Variants in PGM2L1 observed in about 807,000 individuals in gnomAD.
The protein encoded by PGM2L1 is glucose 1,6-bisphosphate synthase.
Under a neutral mutation model 73.4 loss-of-function variants are expected in PGM2L1, and 35 were observed. The observed-to-expected ratio is 0.48, with a 90% CI of 0.36 to 0.63. PGM2L1 has a LOEUF of 0.63. Ranked by LOEUF, PGM2L1 falls within the 30% of genes least tolerant of loss-of-function variation. The pLI is 0.00. For synonymous variants in PGM2L1, 225 were observed against 253.8 expected, an observed-to-expected ratio of 0.89 and a Z score of 1.08; for missense variants, 570 against 742.0, an observed-to-expected ratio of 0.77 and a Z score of 2.69.
chr11:74,355,726 T>C, intron 5 of PGM2L1: 2 of 508,178 alleles, frequency 3.9e-6, no homozygotes, highest in Non-Finnish European at 7.8e-6. Context: ...CAGATTTTAA[T>C]TACTGCCAGG....
intron 6 of PGM2L1, among the ~76,000 whole-genome samples, chr11:74,347,719 TACCTAATTACACTC>T (rs1426036827): frequency 6.6e-6 from 1 of 152,202 alleles, no homozygotes. Context: ...GATTGCAAAG[TACCTAATTACACTC>T]ACCTTCTTAT....
chr11:74,348,074 C>G (rs1046032152), intron 6 of PGM2L1, among the ~76,000 whole-genome samples: 4 of 152,150 alleles, frequency 2.6e-5, no homozygotes, highest in African/African-American at 7.2e-5. Flanking sequence ...AAACCGACAA[C>G]CCATATTTTT....
Position 74,342,451 on chromosome 11 carries a change from A to T in PGM2L1, c.1632+10T>A. 1 of 1,400,088 alleles carries T rather than the reference A, an allele frequency of 7.1e-7. No homozygotes were observed. Among genetic ancestry groups the T allele is most frequent in the Non-Finnish European group, 9.4e-7 (1 of 1,066,404 alleles). The allele number at this position is 1,400,088 out of a possible 1,614,324, so 86.7% of individuals were successfully genotyped here. ...TTCTAAATTGTTTGGAAAAAAAAAA[A>T]GGTACTTACTGATTTCTTATTAGGC... On this transcript the variant is annotated intron_variant, in intron 12 of 13. Coordinates refer to ENST00000298198, the MANE Select transcript of PGM2L1 (RefSeq NM_173582.6).
Position 74,342,990 on chromosome 11 carries a change from A to C in PGM2L1, c.1337T>G (p.Leu446Trp), listed in dbSNP as rs760100098. Residue 446 changes from leucine (L) to tryptophan (W), a missense_variant, in exon 11 of 14, where the codon TTG (leucine) becomes TGG (tryptophan). Transcript: ENST00000298198. Reference sequence around the variant, plus strand: ...AGCTGCACTCACCCCATCTTTATCCAAAACTGAAGTTCCACAGAGAAAACC... The same window carrying C: ...AGCTGCACTCACCCCATCTTTATCCCAAACTGAAGTTCCACAGAGAAAACC... ...SIGFLCGTSVLDKDGVSAAVV... is the reference protein window; with the variant it reads ...SIGFLCGTSVWDKDGVSAAVV... 4.4e-6 allele frequency: 7 copies of C among 1,606,414 alleles called. No individual in the cohort carries two copies. In the South Asian group the frequency reaches 7.9e-5, roughly 18 times the overall value.
rs185113992 is a variant in PGM2L1, at chr11:74,361,247, C to T, written c.555+7245G>A. Among the ~76,000 whole-genome samples, 912 of 152,268 alleles carry T rather than the reference C, an allele frequency of 6.0e-3. 11 individuals carry two copies. Among genetic ancestry groups the T allele is most frequent in the African/African-American group, 0.021 (861 of 41,548 alleles). On this transcript the variant is annotated intron_variant, in intron 5 of 13. Coordinates refer to ENST00000298198, the MANE Select transcript of PGM2L1 (RefSeq NM_173582.6). The stretch of plus-strand genomic sequence containing the variant: ...GGAACATTTGCTGTTCAGCAATATT[C>T]GCTGTTCTGCAGCCTCCACTGCTGA...
At chr11:74,354,862 G>C in intron 5 of PGM2L1, 1 of 858,536 alleles carries the variant, frequency 1.2e-6, no homozygotes, top group Non-Finnish European at 2.0e-6. Flanking sequence ...ATGACTGACC[G>C]AGGCAGTGGC....
At chr11:74,388,260 A>G (rs544669802) in intron 1 of PGM2L1, among the ~76,000 whole-genome samples, 14 of 152,152 alleles carry the variant, frequency 9.2e-5, no homozygotes, top group Non-Finnish European at 2.1e-4. Context: ...AGTTAACCAT[A>G]CTATATTGAA....
chr11:74,337,635 T>C (rs1273109086), intron 13 of PGM2L1, among the ~76,000 whole-genome samples: 1 of 152,178 alleles, frequency 6.6e-6, no homozygotes, highest in Non-Finnish European at 1.5e-5. Flanking sequence ...ATTCATCCTC[T>C]TAAAAGGAAA....
In PGM2L1 at chr11:74,334,322, A is replaced by G. The variant is rs1862058896; in HGVS notation, c.*2330T>C. 6.6e-6 allele frequency: 1 copy of G among 152,230 alleles called. No homozygotes were observed. The highest frequency in any genetic ancestry group is 2.1e-4 in the South Asian group (1 of 4,832). The allele number at this position is 152,230 out of a possible 1,614,324, so 9.4% of individuals were successfully genotyped here. On this transcript the variant is annotated 3_prime_UTR_variant, in exon 14 of 14. Coordinates refer to ENST00000298198, the MANE Select transcript of PGM2L1 (RefSeq NM_173582.6). ...ATCAGTCACTGAAACACAGAACTAA[A>G]CCAAATATACCTGTTTTTCATATAT... is the stretch of plus-strand genomic sequence containing the variant.
chr11:74,338,711 C>G, intron 12 of PGM2L1, 110 bp from the exon 13 acceptor site: 2 of 1,291,048 alleles, frequency 1.5e-6, no homozygotes, highest in Non-Finnish European at 1.0e-6. Flanking sequence ...CTAAAGTCGT[C>G]AAATTTACAG....
intron 5 of PGM2L1, chr11:74,355,651 T>C (rs1054801971): frequency 6.2e-5 from 31 of 501,072 alleles, no homozygotes; most frequent in Non-Finnish European, 9.9e-5. Flanking sequence ...GCCAATACTT[T>C]ACTAATTATG....
intron 1 of PGM2L1, 124 bp downstream of exon 1, chr11:74,397,927 C>T: frequency 7.3e-7 from 1 of 1,375,502 alleles, no homozygotes; most frequent in South Asian, 1.8e-5. Flanking sequence ...CGCCCTGCTC[C>T]GCTGCCCCCC....
At chr11:74,362,245 A>G (rs2134915583) in intron 5 of PGM2L1, among the ~76,000 whole-genome samples, 1 of 152,364 alleles carries the variant, frequency 6.6e-6, no homozygotes. Flanking sequence ...GCCAATATTC[A>G]ACATTCTTTA....
intron 1 of PGM2L1, among the ~76,000 whole-genome samples, chr11:74,390,619 A>T (rs538984853): frequency 6.6e-6 from 1 of 152,356 alleles, no homozygotes; most frequent in Non-Finnish European, 1.5e-5. Flanking sequence ...AGTGATAGTA[A>T]AGGAACGAAA....
intron 1 of PGM2L1, among the ~76,000 whole-genome samples, chr11:74,395,505 G>T (rs1291219431): frequency 2.8e-5 from 4 of 141,620 alleles, no homozygotes; most frequent in Non-Finnish European, 1.5e-5. Context: ...TCTGGCCTCA[G>T]CCTTTGAGTA....
chr11:74,379,171 A>G (rs1862901970), intron 1 of PGM2L1, among the ~76,000 whole-genome samples: 1 of 152,212 alleles, frequency 6.6e-6, no homozygotes, highest in South Asian at 2.1e-4. Context: ...GGTGAGGCCC[A>G]GGAAGCTTTT....
intron 10 of PGM2L1, 143 bp from the exon 11 acceptor site, chr11:74,343,157 CT>C: frequency 7.5e-7 from 1 of 1,328,068 alleles, no homozygotes; most frequent in East Asian, 2.6e-5. Flanking sequence ...TTAGGGGACA[CT>C]TTCGTTCTTT....
chr11:74,335,625 A>G lies in PGM2L1; in HGVS notation c.*1027T>C, dbSNP rs1862084410. 6.6e-6 allele frequency: 1 copy of G among 152,050 alleles called. No individual in the cohort carries two copies. Among genetic ancestry groups the G allele is most frequent in the Admixed American group, 6.6e-5 (1 of 15,254 alleles). 9.4% of individuals were successfully genotyped at this position (152,050 alleles called of 1,614,324 possible). ...TAACATTACTTCATAAAATAAAAGA[A>G]TAAATCTACTTACAAAAATGTAATT... On this transcript the variant is annotated 3_prime_UTR_variant, in exon 14 of 14. Coordinates refer to ENST00000298198, the MANE Select transcript of PGM2L1 (RefSeq NM_173582.6).
At chr11:74,339,218 G>GT (rs752650266) in intron 12 of PGM2L1, among the ~76,000 whole-genome samples, 1 of 152,144 alleles carries the variant, frequency 6.6e-6, no homozygotes, top group Non-Finnish European at 1.5e-5. Flanking sequence ...CATTTTTGCC[G>GT]TTTATCAATC....
Sources: allele counts gnomAD v4.1 joint callset (sites outside exome capture counted in the v4.1 genomes callset), GRCh38; gene constraint gnomAD v4.1.1; transcripts MANE v1.5; gene names NCBI Gene and HGNC (gene_info 2026-07-23, HGNC 2026-07-21).